Variants in CDH13 observed in about 807,000 individuals in gnomAD.
The protein encoded by CDH13 is cadherin 13.
A neutral mutation model predicts 63.8 loss-of-function variants in CDH13; 24 were observed. That is an observed-to-expected ratio of 0.38 (90% confidence interval 0.27 to 0.53). The LOEUF (loss-of-function observed/expected upper bound fraction) is 0.53, where lower values mean the gene tolerates loss of function less well. Among genes scored for constraint, CDH13 ranks in the 20% least tolerant of loss-of-function variants. The pLI is 0.85. For missense variants in CDH13, 1,049 were observed against 903.1 expected (o/e 1.16, Z -2.07); for synonymous variants, 503 against 355.3 (o/e 1.42, Z -4.67).
At chr16:82,737,872 G>A (rs967652620) in intron 1 of CDH13, among the ~76,000 whole-genome samples, 3 of 152,200 alleles carry the variant, frequency 2.0e-5, no homozygotes, top group Non-Finnish European at 4.4e-5. Flanking sequence ...ATATATACAA[G>A]CACTGGTGAA....
intron 4 of CDH13, among the ~76,000 whole-genome samples, chr16:83,162,998 G>A (rs4494522): frequency 0.14 from 21,728 of 152,066 alleles, 1,727 homozygotes; most frequent in Middle Eastern, 0.22. Context: ...TGTGTCGTAG[G>A]AGGAACCTGG....
intron 10 of CDH13, among the ~76,000 whole-genome samples, chr16:83,695,624 A>G (rs997156285): frequency 6.6e-5 from 10 of 152,254 alleles, no homozygotes; most frequent in African/African-American, 2.4e-4. Context: ...ACAAATAACT[A>G]GAATATAAAA....
At chr16:82,966,833 GT>G (rs1347505670) in intron 2 of CDH13, among the ~76,000 whole-genome samples, 2 of 152,124 alleles carry the variant, frequency 1.3e-5, no homozygotes, top group Admixed American at 6.5e-5. Flanking sequence ...AAACAAGGAT[GT>G]TTTTTCTCTC....
intron 1 of CDH13, among the ~76,000 whole-genome samples, chr16:82,755,084 A>G (rs1047660700): frequency 1.1e-4 from 16 of 152,230 alleles, no homozygotes; most frequent in Non-Finnish European, 1.9e-4. Flanking sequence ...ATACACAAGC[A>G]TGTACACACA....
chr16:83,165,269 A>T (rs971632711), intron 4 of CDH13, among the ~76,000 whole-genome samples: 2 of 152,038 alleles, frequency 1.3e-5, no homozygotes, highest in African/African-American at 4.8e-5. Context: ...TCCACAATAC[A>T]AAAAGGATTC....
chr16:83,376,311 G>C (rs1472954274), intron 6 of CDH13, among the ~76,000 whole-genome samples: 1 of 152,172 alleles, frequency 6.6e-6, no homozygotes, highest in African/African-American at 2.4e-5. Context: ...ACTCAAAGGG[G>C]CTTGTGCCTA....
intron 1 of CDH13, among the ~76,000 whole-genome samples, chr16:82,666,633 C>G (rs531965021): frequency 7.2e-5 from 11 of 152,160 alleles, no homozygotes; most frequent in Non-Finnish European, 1.5e-4. Context: ...ATAACCTAGT[C>G]GTAGGTTAAC....
chr16:83,014,743 AATATATATAT>A (rs71146101), intron 2 of CDH13, among the ~76,000 whole-genome samples: 1 of 33,232 alleles, frequency 3.0e-5, no homozygotes, highest in Non-Finnish European at 5.4e-5. Flanking sequence ...AAAAAAAAAA[AATATATATAT>A]ATATATATAT....
chr16:83,619,933 G>T (rs1343259298), intron 8 of CDH13, among the ~76,000 whole-genome samples: 9 of 152,156 alleles, frequency 5.9e-5, no homozygotes, highest in Non-Finnish European at 1.3e-4. Flanking sequence ...GGAAGGGCAT[G>T]TCTGGCAGGA....
chr16:83,748,171 C>T lies in CDH13; in HGVS notation c.1602C>T (p.Asp534=), dbSNP rs1041496791. The T allele has an allele frequency of 8.7e-6, 14 of 1,613,722 alleles. No individual in the cohort carries two copies. The highest frequency in any genetic ancestry group is 1.2e-5 in the Non-Finnish European group (14 of 1,179,768). The change falls in exon 11 of 14, where the codon GAC becomes GAT. Residue 534 remains aspartate, a synonymous_variant. Transcript: ENST00000567109. ...LNINPINGTV[D]TTAVLDRESP... is the part of the protein sequence containing the mutation. ...TTAACCCCATCAATGGGACTGTTGA[C>T]ACCACAGCTGTGCTGGACCGTGAGT...
chr16:83,540,177 GC>G (rs1326098575), intron 7 of CDH13, among the ~76,000 whole-genome samples: 12 of 151,064 alleles, frequency 7.9e-5, no homozygotes, highest in Non-Finnish European at 1.5e-5. Flanking sequence ...CCACTCTCCT[GC>G]TTCAGCCTCC....
chr16:83,475,023 C>T (rs2073565063), intron 6 of CDH13, among the ~76,000 whole-genome samples: 1 of 152,242 alleles, frequency 6.6e-6, no homozygotes, highest in Admixed American at 6.5e-5. Context: ...CCCTGTGTTT[C>T]CCAGGCCTTC....
chr16:83,030,457 C>A (rs1247820584), intron 2 of CDH13, among the ~76,000 whole-genome samples: 1 of 151,938 alleles, frequency 6.6e-6, no homozygotes, highest in Non-Finnish European at 1.5e-5. Flanking sequence ...GTCTGGCCAA[C>A]ATGGTGAAAC....
intron 2 of CDH13, among the ~76,000 whole-genome samples, chr16:82,961,725 A>G (rs988631413): frequency 1.1e-4 from 16 of 152,164 alleles, no homozygotes; most frequent in African/African-American, 3.6e-4. Flanking sequence ...AAACTGGTCT[A>G]TGGTACTGTG....
intron 4 of CDH13, among the ~76,000 whole-genome samples, chr16:83,159,138 A>G (rs1212988497): frequency 6.6e-6 from 1 of 151,700 alleles, no homozygotes; most frequent in Non-Finnish European, 1.5e-5. Flanking sequence ...AAAAGTTCCC[A>G]TTTGCCCACA....
At chr16:82,792,846 C>A (rs902037683) in intron 1 of CDH13, among the ~76,000 whole-genome samples, 1 of 152,256 alleles carries the variant, frequency 6.6e-6, no homozygotes, top group Admixed American at 6.5e-5. Flanking sequence ...TTCCAGACTA[C>A]AAAGTGCCAA....
At chr16:83,270,878 C>A (rs1019594921) in intron 5 of CDH13, among the ~76,000 whole-genome samples, 30 of 140,372 alleles carry the variant, frequency 2.1e-4, no homozygotes, top group African/African-American at 7.2e-4. Flanking sequence ...TTCCTGCCTT[C>A]CCTCCCTCCC....
At chr16:82,851,365 G>T (rs1417206606) in intron 1 of CDH13, among the ~76,000 whole-genome samples, 1 of 151,474 alleles carries the variant, frequency 6.6e-6, no homozygotes, top group East Asian at 1.9e-4. Context: ...AACCCTGGAG[G>T]CGGAGGGTGC....
chr16:83,624,076 A>G (rs1910054238), intron 8 of CDH13, among the ~76,000 whole-genome samples: 1 of 152,068 alleles, frequency 6.6e-6, no homozygotes, highest in African/African-American at 2.4e-5. Flanking sequence ...CCCTCAGACA[A>G]TGTGGACGGG....
Sources: gnomAD v4.1 joint callset for allele counts (sites outside exome capture counted in the v4.1 genomes callset) on GRCh38, gnomAD v4.1.1 for gene constraint, MANE v1.5 for transcripts, NCBI Gene and HGNC (gene_info 2026-07-23, HGNC 2026-07-21) for gene names.